The following KCNH8 variants were observed in gnomAD, a reference collection of about 807,000 sequenced individuals.
KCNH8 encodes the protein voltage-gated delayed rectifier potassium channel KCNH8.
KCNH8 carries 70 observed loss-of-function variants against 103.6 expected under a neutral mutation model. That is an observed-to-expected ratio of 0.68 (90% CI 0.56 to 0.82). KCNH8 has a LOEUF of 0.82. KCNH8 is among the 40% of genes least tolerant of loss of function. The pLI is 0.00. For synonymous variants in KCNH8, 498 were observed against 489.4 expected (o/e 1.02, Z -0.23); for missense variants, 1,217 against 1,329.9 (o/e 0.92, Z 1.32).
chr3:19,381,696 G>A (rs1172558877), intron 5 of KCNH8, among the ~76,000 whole-genome samples: 1 of 151,136 alleles, frequency 6.6e-6, no homozygotes, highest in Non-Finnish European at 1.5e-5. Flanking sequence ...TGCTAAAAGG[G>A]AAAAAAAAGA....
intron 7 of KCNH8, among the ~76,000 whole-genome samples, chr3:19,411,833 A>G (rs2066785213): frequency 6.6e-6 from 1 of 151,670 alleles, no homozygotes; most frequent in Admixed American, 6.6e-5. Flanking sequence ...GATGAAAGAT[A>G]TCTGCAAGGA....
At chr3:19,444,962 C>T (rs1348231) in intron 8 of KCNH8, among the ~76,000 whole-genome samples, 6,724 of 151,962 alleles carry the variant, frequency 0.044, 333 homozygotes, top group East Asian at 0.21. Context: ...CTCTGTGATT[C>T]AACAATTCCA....
chr3:19,237,381 T>G (rs1442901166), intron 1 of KCNH8, among the ~76,000 whole-genome samples: 2 of 152,190 alleles, frequency 1.3e-5, no homozygotes, highest in Non-Finnish European at 2.9e-5. Flanking sequence ...ATAGAGCCCT[T>G]TAGCTGGGCA....
At chr3:19,160,487 C>T (rs2063223344) in intron 1 of KCNH8, among the ~76,000 whole-genome samples, 2 of 152,060 alleles carry the variant, frequency 1.3e-5, no homozygotes, top group Admixed American at 6.6e-5. Flanking sequence ...GGTCAGTACC[C>T]TCCTCCCACT....
intron 10 of KCNH8, among the ~76,000 whole-genome samples, chr3:19,454,692 CTACT>C (rs1210191331): frequency 6.6e-6 from 1 of 151,976 alleles, no homozygotes; most frequent in Non-Finnish European, 1.5e-5. Context: ...TTTTTAAAAA[CTACT>C]TACGGCTGAA....
intron 3 of KCNH8, among the ~76,000 whole-genome samples, chr3:19,291,671 G>A (rs1297493830): frequency 6.6e-6 from 1 of 152,138 alleles, no homozygotes; most frequent in African/African-American, 2.4e-5. Flanking sequence ...CAAGTATGTG[G>A]TCAATTTTGG....
At chr3:19,248,312 G>T (rs1303538721) in intron 1 of KCNH8, among the ~76,000 whole-genome samples, 2 of 152,158 alleles carry the variant, frequency 1.3e-5, no homozygotes, top group African/African-American at 4.8e-5. Context: ...CGACATTTCT[G>T]TGCTGCCTAT....
At chr3:19,225,764 C>A (rs1026242816) in intron 1 of KCNH8, among the ~76,000 whole-genome samples, 4 of 152,058 alleles carry the variant, frequency 2.6e-5, no homozygotes, top group South Asian at 2.1e-4. Context: ...CTTGGTTTCC[C>A]GCATTCATAG....
chr3:19,517,876 C>T, intron 14 of KCNH8, 122 bp from the exon 15 acceptor site: 1 of 743,202 alleles, frequency 1.3e-6, no homozygotes, highest in Non-Finnish European at 2.3e-6. Flanking sequence ...CAGTACAGTG[C>T]ACAGACATCA....
chr3:19,176,402 A>C (rs1040793241), intron 1 of KCNH8, among the ~76,000 whole-genome samples: 4 of 152,150 alleles, frequency 2.6e-5, no homozygotes, highest in Admixed American at 2.0e-4. Flanking sequence ...AGACCTTTCT[A>C]GTTTAAGTAA....
At position 19,518,059 on chromosome 3, in the gene KCNH8, C is replaced by T. The variant is rs760436364; in HGVS notation, c.2604C>T (p.Asn868=). The T allele has an allele frequency of 1.7e-5, 27 of 1,611,592 alleles. No homozygotes were observed. Among genetic ancestry groups the T allele is most frequent in the Non-Finnish European group, 2.3e-5 (27 of 1,178,386 alleles). The part of the protein sequence containing the change: ...IKAEETKQQI[N]KLNSEVTTLT... ...CAGAGGAGACCAAGCAGCAGATAAACAAACTCAACAGTGAGGTATGGAGCT... is the reference window on the plus strand; with the variant it reads ...CAGAGGAGACCAAGCAGCAGATAAATAAACTCAACAGTGAGGTATGGAGCT... Residue 868 remains asparagine (N), a synonymous_variant, in exon 15 of 16, where the codon AAC becomes AAT. Coordinates refer to ENST00000328405, the MANE Select transcript of KCNH8 (RefSeq NM_144633.3).
intron 1 of KCNH8, among the ~76,000 whole-genome samples, chr3:19,201,517 T>C (rs2063662798): frequency 6.6e-6 from 1 of 152,100 alleles, no homozygotes; most frequent in Non-Finnish European, 1.5e-5. Context: ...GAAAGGATCA[T>C]AGTGACAGAG....
At chr3:19,281,050 G>A (rs2125274041) in intron 2 of KCNH8, 148 bp from the exon 3 acceptor site, 2 of 720,410 alleles carry the variant, frequency 2.8e-6, no homozygotes, top group African/African-American at 1.8e-5. Flanking sequence ...GAAATTTATG[G>A]AACCTGAAAA....
At chr3:19,512,606 T>C (rs1412732790) in intron 12 of KCNH8, among the ~76,000 whole-genome samples, 9 of 152,186 alleles carry the variant, frequency 5.9e-5, no homozygotes, top group Non-Finnish European at 1.5e-5. Context: ...AAAATGTCTT[T>C]ATTTCTAAGA....
At chr3:19,288,190 T>TTTCTTTTTTTTTTTC (rs2064862511) in intron 3 of KCNH8, among the ~76,000 whole-genome samples, 1 of 138,334 alleles carries the variant, frequency 7.2e-6, no homozygotes, top group African/African-American at 3.0e-5. Context: ...TCTTTTTTTT[T>TTTCTTTTTTTTTTTC]TTTTTTTTTT....
At chr3:19,178,336 T>C (rs2063420187) in intron 1 of KCNH8, among the ~76,000 whole-genome samples, 1 of 152,144 alleles carries the variant, frequency 6.6e-6, no homozygotes, top group Non-Finnish European at 1.5e-5. Context: ...AGTCTCTTAA[T>C]CTTTAGGTCC....
intron 11 of KCNH8, among the ~76,000 whole-genome samples, chr3:19,464,328 T>C (rs568956066): frequency 1.3e-5 from 2 of 152,228 alleles, no homozygotes; most frequent in African/African-American, 4.8e-5. Context: ...AACTTAAAGC[T>C]TACATGGAAG....
intron 11 of KCNH8, among the ~76,000 whole-genome samples, 175 bp downstream of exon 11, chr3:19,457,157 TTTG>T (rs1222567306): frequency 9.2e-5 from 14 of 151,918 alleles, no homozygotes; most frequent in South Asian, 2.1e-4. Context: ...AAACCTAGAG[TTTG>T]TTATTAACAT....
chr3:19,433,880 T>C (rs1295576725), intron 7 of KCNH8, among the ~76,000 whole-genome samples: 1 of 152,196 alleles, frequency 6.6e-6, no homozygotes, highest in African/African-American at 2.4e-5. Flanking sequence ...TCTCATAAAA[T>C]GGAAAAGGGG....
Sources: gnomAD v4.1 joint callset for allele counts (sites outside exome capture counted in the v4.1 genomes callset) on GRCh38, gnomAD v4.1.1 for gene constraint, MANE v1.5 for transcripts, NCBI Gene and HGNC (gene_info 2026-07-23, HGNC 2026-07-21) for gene names.